The following DPP6 variants were observed in gnomAD, a reference collection of about 807,000 sequenced individuals.
The protein encoded by DPP6 is A-type potassium channel modulatory protein DPP6.
A neutral mutation model predicts 122.6 loss-of-function variants in DPP6; 69 were observed. The observed-to-expected ratio is 0.56, with a 90% CI of 0.46 to 0.69. The LOEUF is 0.69. DPP6 is among the 30% of genes least tolerant of loss of function. The pLI, the probability that DPP6 is intolerant of heterozygous loss-of-function variation, is 0.00. For missense variants in DPP6, 928 were observed against 1,116.9 expected (o/e 0.83, Z 2.41); for synonymous variants, 418 against 433.1 (o/e 0.97, Z 0.43).
At chr7:154,405,833 A>G (rs1816042014) in intron 1 of DPP6, among the ~76,000 whole-genome samples, 1 of 152,226 alleles carries the variant, frequency 6.6e-6, no homozygotes, top group Non-Finnish European at 1.5e-5. Flanking sequence ...TTTACCTGCC[A>G]AAGACATTTT....
At chr7:153,753,965 CT>C in the DPP6 span, among the ~76,000 whole-genome samples, 2 of 152,128 alleles carry the variant, frequency 1.3e-5, no homozygotes, top group African/African-American at 2.4e-5. Flanking sequence ...GGTTTTCATG[CT>C]GTGAAAAAGC....
chr7:154,578,158 G>T (rs1200613938), intron 5 of DPP6, among the ~76,000 whole-genome samples: 1 of 152,152 alleles, frequency 6.6e-6, no homozygotes, highest in Admixed American at 6.6e-5. Context: ...ACATGCTTTT[G>T]CTTGTCTTCT....
chr7:154,108,915 T>C (rs1395655337), intron 1 of DPP6, among the ~76,000 whole-genome samples: 2 of 152,246 alleles, frequency 1.3e-5, no homozygotes, highest in South Asian at 2.1e-4. Context: ...ATTAGAAAAT[T>C]GTATTCATTT....
intron 5 of DPP6, among the ~76,000 whole-genome samples, chr7:154,610,014 C>G (rs7777240): frequency 0.37 from 56,924 of 151,988 alleles, 11,484 homozygotes; most frequent in Non-Finnish European, 0.46. Flanking sequence ...TTCATTTATT[C>G]CTTTGGTTAA....
intron 5 of DPP6, among the ~76,000 whole-genome samples, chr7:154,595,848 C>G (rs1439176618): frequency 6.6e-6 from 1 of 152,190 alleles, no homozygotes; most frequent in Non-Finnish European, 1.5e-5. Flanking sequence ...ATCACAAGGT[C>G]AGGAGTTTGA....
chr7:154,580,088 G>A (rs554080602), intron 5 of DPP6, among the ~76,000 whole-genome samples: 1 of 151,930 alleles, frequency 6.6e-6, no homozygotes, highest in South Asian at 2.1e-4. Flanking sequence ...ATGTAGCGGT[G>A]AATAACAGTA....
In DPP6 at chr7:154,052,714, C is replaced by A; in HGVS notation, c.-107C>A. The A allele has an allele frequency of 8.2e-7, 1 of 1,226,410 alleles. No individual in the cohort carries two copies. The highest frequency in any genetic ancestry group is 1.5e-5 in the South Asian group (1 of 64,766). 76.0% of individuals were successfully genotyped at this position (1,226,410 alleles called of 1,614,324 possible). On this transcript the variant is annotated 5_prime_UTR_variant, in exon 1 of 26. Transcript: ENST00000377770. The surrounding 1 kb of genome is among the most constrained non-coding windows in gnomAD (Gnocchi z 4.8). ...GCTGCTGCTGCTGCTGCTGCCTCCC[C>A]ACCGCCTTTTTTTTTTTTTAATCTG...
At chr7:154,507,021 C>T (rs888533483) in intron 3 of DPP6, among the ~76,000 whole-genome samples, 2 of 152,122 alleles carry the variant, frequency 1.3e-5, no homozygotes, top group South Asian at 2.1e-4. Flanking sequence ...TTGCCAAAGC[C>T]TCCAGCAGAT....
chr7:154,862,088 C>T (rs190489825), intron 17 of DPP6, among the ~76,000 whole-genome samples: 1 of 152,186 alleles, frequency 6.6e-6, no homozygotes, highest in Non-Finnish European at 1.5e-5. Context: ...GGGGCTCTTA[C>T]CCATTACTGG....
At chr7:154,367,595 T>C (rs1812292051) in intron 1 of DPP6, among the ~76,000 whole-genome samples, 1 of 152,234 alleles carries the variant, frequency 6.6e-6, no homozygotes. Context: ...GATATAGGTT[T>C]GTTTTCTTGA....
chr7:154,461,194 C>A (rs11767559), intron 2 of DPP6, among the ~76,000 whole-genome samples: 64,725 of 152,002 alleles, frequency 0.43, 14,946 homozygotes, highest in Non-Finnish European at 0.51. Context: ...AATGACAAAT[C>A]TCATTCATTT....
At chr7:154,353,155 C>T (rs556910356) in intron 1 of DPP6, among the ~76,000 whole-genome samples, 3 of 152,162 alleles carry the variant, frequency 2.0e-5, no homozygotes, top group Non-Finnish European at 2.9e-5. Flanking sequence ...TAACAGGTCC[C>T]CTGGGTGACC....
At chr7:154,166,842 C>T (rs570637021) in intron 1 of DPP6, among the ~76,000 whole-genome samples, 2 of 148,660 alleles carry the variant, frequency 1.3e-5, no homozygotes, top group South Asian at 2.1e-4. Context: ...ACCCAGGAGG[C>T]GGAGGTTGCA....
intron 1 of DPP6, among the ~76,000 whole-genome samples, chr7:154,017,714 A>T (rs547749460): frequency 2.0e-3 from 245 of 121,050 alleles, no homozygotes; most frequent in African/African-American, 8.8e-3. Flanking sequence ...AAAATAAAAA[A>T]AAAATAAAAA....
At chr7:153,902,317 G>A (rs1183241268) in intron 1 of DPP6, among the ~76,000 whole-genome samples, 2 of 152,174 alleles carry the variant, frequency 1.3e-5, no homozygotes, top group African/African-American at 4.8e-5. Flanking sequence ...TTAGAGGGGG[G>A]AAAAGCCTCT....
chr7:153,879,011 T>G, the DPP6 span, among the ~76,000 whole-genome samples: 1 of 151,514 alleles, frequency 6.6e-6, no homozygotes, highest in African/African-American at 2.4e-5. Flanking sequence ...AGAAAAAAAA[T>G]GAAGCTGGAA....
At chr7:154,646,015 G>A (rs376646453) in intron 6 of DPP6, among the ~76,000 whole-genome samples, 2 of 60,844 alleles carry the variant, frequency 3.3e-5, no homozygotes, top group African/African-American at 9.5e-5. Flanking sequence ...GCGGCAGAGT[G>A]AGACTCCGTC....
intron 16 of DPP6, among the ~76,000 whole-genome samples, chr7:154,842,155 T>C (rs1801603817): frequency 6.6e-6 from 1 of 152,214 alleles, no homozygotes; most frequent in Non-Finnish European, 1.5e-5. Flanking sequence ...ATGCCAATTA[T>C]CTCGCTCGGC....
intron 1 of DPP6, among the ~76,000 whole-genome samples, chr7:154,269,216 G>T (rs117357290): frequency 6.6e-6 from 1 of 152,040 alleles, no homozygotes; most frequent in Non-Finnish European, 1.5e-5. Flanking sequence ...GAAGATCAAA[G>T]AATTGAATCA....
Sources: allele counts gnomAD v4.1 joint callset (sites outside exome capture counted in the v4.1 genomes callset), GRCh38; gene constraint gnomAD v4.1.1; non-coding constraint Gnocchi (gnomAD v3.1); transcripts MANE v1.5; gene names NCBI Gene and HGNC (gene_info 2026-07-23, HGNC 2026-07-21).